The following DES variants were observed in gnomAD, a reference collection of about 807,000 sequenced individuals.
The protein encoded by DES is cardiomyopathy, dilated 1F (autosomal dominant).
In DES, 34 loss-of-function variants were observed where a neutral mutation model predicts 55.1. That is an observed-to-expected ratio of 0.62 (90% CI 0.47 to 0.82). DES has a LOEUF of 0.82. DES is among the 40% of genes least tolerant of loss of function. The pLI is 0.00. For missense variants in DES, 596 were observed against 645.9 expected (o/e 0.92, Z 0.84); for synonymous variants, 259 against 270.8 (o/e 0.96, Z 0.43).
chr2:219,425,829 T>G, intron 8 of DES, 84 bp downstream of exon 8: 1 of 1,601,040 alleles, frequency 6.2e-7, no homozygotes, highest in South Asian at 1.1e-5. Flanking sequence ...GCTGTGCTGG[T>G]CTAGGTCCCT....
chr2:219,420,369 G>A lies in DES; in HGVS notation c.735+23G>A, dbSNP rs369396043. 3 of 1,613,074 alleles carry A rather than the reference G, an allele frequency of 1.9e-6. No homozygotes were observed. The highest frequency in any genetic ancestry group is 2.5e-6 in the Non-Finnish European group (3 of 1,179,658). On this transcript the variant is annotated intron_variant, in intron 3 of 8. Transcript: ENST00000373960. This position sits in a 1 kb window ranked among gnomAD's most constrained non-coding sequence, Gnocchi z 6.0. ...GAGGTATACCTTGGCCCCTCTTCCTGGGGTCACTGGGCCATGGGGAAAGCA... is the reference window on the plus strand; with the variant it reads ...GAGGTATACCTTGGCCCCTCTTCCTAGGGTCACTGGGCCATGGGGAAAGCA...
Position 219,421,351 on chromosome 2 carries a change from G to A in DES, c.1035G>A (p.Leu345=). 2.5e-6 allele frequency: 4 copies of A among 1,614,084 alleles called. No homozygotes were observed. Among genetic ancestry groups the A allele is most frequent in the Non-Finnish European group, 3.4e-6 (4 of 1,179,996 alleles). The change falls in exon 6 of 9, where the codon CTG becomes CTA. Residue 345 remains leucine (L), a synonymous_variant. Transcript: ENST00000373960. Reference sequence around the variant, plus strand: ...CCCCTCTCCTGCAGAACGATTCCCTGATGAGGCAGATGCGGGAATTGGAGG... The same window carrying A: ...CCCCTCTCCTGCAGAACGATTCCCTAATGAGGCAGATGCGGGAATTGGAGG... ...IDALKGTNDS[L]MRQMRELEDR...
chr2:219,422,809 C>T (rs958704658), intron 6 of DES, among the ~76,000 whole-genome samples: 8 of 152,208 alleles, frequency 5.3e-5, no homozygotes, highest in Middle Eastern at 3.4e-3. Flanking sequence ...GTTACACAGA[C>T]GTGGACATTG....
chr2:219,423,791 T>A lies in DES; in HGVS notation c.1259T>A (p.Ile420Asn). The change falls in exon 7 of 9, where the codon ATC becomes AAC. Residue 420 changes from isoleucine (I) to asparagine (N), a missense_variant. Transcript: ENST00000373960. ...TTCCCTTTTAGGATCAATCTCCCCA[T>A]CCAGACCTACTCTGCCCTCAACTTC... ...EGEESRINLP[I>N]QTYSALNFRE... 6.2e-7 allele frequency: 1 copy of A among 1,613,872 alleles called. No homozygotes were observed. Among genetic ancestry groups the A allele is most frequent in the Non-Finnish European group, 8.5e-7 (1 of 1,179,854 alleles).
chr2:219,421,851 GA>G (rs1201460120), intron 6 of DES, among the ~76,000 whole-genome samples: 1 of 152,010 alleles, frequency 6.6e-6, no homozygotes, highest in Non-Finnish European at 1.5e-5. Flanking sequence ...ATTTTTAGTA[GA>G]GACGGGGTTT....
At position 219,420,261 on chromosome 2, in the gene DES, C is replaced by A. The variant is rs771882136; in HGVS notation, c.650C>A (p.Ala217Glu). 6.2e-7 allele frequency: 1 copy of A among 1,614,210 alleles called. No individual in the cohort carries two copies. Among genetic ancestry groups the A allele is most frequent in the Non-Finnish European group, 8.5e-7 (1 of 1,180,046 alleles). Reference protein sequence around the residue: ...NLAAFRADVDAATLARIDLER... With the variant: ...NLAAFRADVDEATLARIDLER... ...CTTGGCCTCTCCCAGGACGTGGATG[C>A]AGCTACTCTAGCTCGCATTGACCTG... is the stretch of plus-strand genomic sequence containing the variant. Residue 217 changes from alanine (A) to glutamate (E), a missense_variant, in exon 3 of 9, where the codon GCA becomes GAA. By Grantham distance (107) the Ala-to-Glu change is moderately radical (BLOSUM62 -1). Transcript: ENST00000373960. This position sits in a 1 kb window ranked among gnomAD's most constrained non-coding sequence, Gnocchi z 6.0.
Position 219,420,905 on chromosome 2 carries a change from A to G in DES, c.975A>G (p.Arg325=), listed in dbSNP as rs1575014604. 2 of 1,613,896 alleles carry G rather than the reference A, an allele frequency of 1.2e-6. No individual in the cohort carries two copies. Among genetic ancestry groups the G allele is most frequent in the Non-Finnish European group, 1.7e-6 (2 of 1,179,980 alleles). Residue 325 remains arginine, a synonymous_variant, in exon 5 of 9, where the codon CGA becomes CGG. Transcript: ENST00000373960. This position sits in a 1 kb window ranked among gnomAD's most constrained non-coding sequence, Gnocchi z 6.0. ...CCAAGCAGGAGATGATGGAATACCG[A>G]CACCAGATCCAGTCCTACACCTGCG... ...RQAKQEMMEY[R]HQIQSYTCEI...
chr2:219,420,742 A>C lies in DES; in HGVS notation c.897+86A>C. ...TGCCTGTGGTACCATCCATGGGAGG[A>C]GAGCCCAGAGGCTTCATGCTCCCTT... On this transcript the variant is annotated intron_variant, in intron 4 of 8. Coordinates refer to ENST00000373960, the MANE Select transcript of DES (RefSeq NM_001927.4). This position sits in a 1 kb window ranked among gnomAD's most constrained non-coding sequence, Gnocchi z 6.0. 1 of 1,613,442 alleles carries C rather than the reference A, an allele frequency of 6.2e-7. No homozygotes were observed. The highest frequency in any genetic ancestry group is 8.5e-7 in the Non-Finnish European group (1 of 1,179,632).
chr2:219,423,020 C>G (rs76207726), intron 6 of DES, among the ~76,000 whole-genome samples: 2,993 of 152,182 alleles, frequency 0.02, 113 homozygotes, highest in African/African-American at 0.068. Flanking sequence ...TTTGTAAAAT[C>G]ACGTCTACAT....
intron 7 of DES, 165 bp downstream of exon 7, chr2:219,423,985 G>T (rs1954492659): frequency 4.1e-6 from 3 of 729,620 alleles, no homozygotes; most frequent in Non-Finnish European, 7.2e-6. Flanking sequence ...GGGGAGTTTA[G>T]GTAGAGGTGG....
At chr2:219,424,712 T>C (rs1023181541) in intron 7 of DES, among the ~76,000 whole-genome samples, 1 of 152,166 alleles carries the variant, frequency 6.6e-6, no homozygotes, top group Non-Finnish European at 1.5e-5. Context: ...TACAAAAAAC[T>C]CCACCCACAT....
rs1954533010 is a variant in DES, at chr2:219,426,142, C to G, written c.*152C>G. 1.1e-6 allele frequency: 1 copy of G among 891,810 alleles called. No homozygotes were observed. The highest frequency in any genetic ancestry group is 1.8e-6 in the Non-Finnish European group (1 of 556,850). 55.2% of individuals were successfully genotyped at this position (891,810 alleles called of 1,614,324 possible). A position where few individuals can be genotyped will look rare whatever the true frequency, so the allele number is the denominator to read the frequency against. On this transcript the variant is annotated 3_prime_UTR_variant, in exon 9 of 9. Transcript: ENST00000373960. The surrounding 1 kb of genome is among the most constrained non-coding windows in gnomAD (Gnocchi z 4.5). ...CCTCACTGGCCATCCCTCGTGGTCC[C>G]CAACAGCGACATAGCCCATCCCTGC...
intron 5 of DES, 59 bp downstream of exon 5, chr2:219,421,012 A>G: frequency 6.3e-7 from 1 of 1,589,186 alleles, no homozygotes; most frequent in Non-Finnish European, 8.5e-7. Flanking sequence ...TCACACCCTC[A>G]CTTTGTGACC....
In DES at chr2:219,420,173, C is replaced by G; in HGVS notation, c.639+18C>G. 1 of 1,614,254 alleles carries G rather than the reference C, an allele frequency of 6.2e-7. No homozygotes were observed. The highest frequency in any genetic ancestry group is 8.5e-7 in the Non-Finnish European group (1 of 1,180,046). On this transcript the variant is annotated intron_variant, in intron 2 of 8. Transcript: ENST00000373960. This position sits in a 1 kb window ranked among gnomAD's most constrained non-coding sequence, Gnocchi z 6.0. ...TCCGAGCGGTGAGTGCCCTTCTTTTCCCCTTGCATGGCCTCTGGCCTTGCT... is the reference window on the plus strand; with the variant it reads ...TCCGAGCGGTGAGTGCCCTTCTTTTGCCCTTGCATGGCCTCTGGCCTTGCT...
chr2:219,422,676 G>A, intron 6 of DES, among the ~76,000 whole-genome samples: 1 of 151,914 alleles, frequency 6.6e-6, no homozygotes, highest in East Asian at 1.9e-4. Flanking sequence ...ATGTTGGTCA[G>A]GCTGGACTCT....
rs1239304442 is a variant in DES, at chr2:219,418,472, G to A, written c.10G>A (p.Ala4Thr). 1.3e-6 allele frequency: 2 copies of A among 1,596,210 alleles called. No homozygotes were observed. The highest frequency in any genetic ancestry group is 1.4e-5 in the African/African-American group (1 of 73,624). The change falls in exon 1 of 9, where the codon GCC (alanine) becomes ACC (threonine). Residue 4 changes from alanine (A) to threonine (T), a missense_variant. Physicochemically the swap from Ala to Thr is moderately conservative, Grantham distance 58 (BLOSUM62 0). Coordinates refer to ENST00000373960, the MANE Select transcript of DES (RefSeq NM_001927.4). The part of the protein sequence containing the change: MSQ[A>T]YSSSQRVSSY... ...CGCCCGCGCCGTCACCATGAGCCAG[G>A]CCTACTCGTCCAGCCAGCGCGTGTC...
Position 219,418,910 on chromosome 2 carries a change from C to A in DES, c.448C>A (p.Arg150=). ...VNRLKGREPT[R]VAELYEEELR... is the part of the protein sequence containing the mutation. ...CCGGCTCAAGGGCCGCGAGCCGACG[C>A]GAGTGGCCGAGCTCTACGAGGAGGA... The change falls in exon 1 of 9, where the codon CGA becomes AGA. Residue 150 remains arginine, a synonymous_variant. Transcript: ENST00000373960. 6.4e-7 allele frequency: 1 copy of A among 1,562,796 alleles called. No individual in the cohort carries two copies. Among genetic ancestry groups the A allele is most frequent in the Non-Finnish European group, 8.7e-7 (1 of 1,153,428 alleles).
In DES at chr2:219,418,671, G is replaced by A. The variant is rs933438188; in HGVS notation, c.209G>A (p.Arg70Gln). ...SGGAGGLGSL[R>Q]ASRLGTTRTP... is the part of the protein sequence containing the mutation. ...GGGGCCGGGGGCCTGGGGTCGCTGC[G>A]GGCCAGCCGGCTGGGGACCACCCGC... is the stretch of plus-strand genomic sequence containing the variant. Residue 70 changes from arginine to glutamine, a missense_variant, in exon 1 of 9, where the codon CGG becomes CAG. By Grantham distance (43) the Arg-to-Gln change is conservative (BLOSUM62 1). Transcript: ENST00000373960. 2 of 1,580,736 alleles carry A rather than the reference G, an allele frequency of 1.3e-6. No homozygotes were observed. Among genetic ancestry groups the A allele is most frequent in the African/African-American group, 1.3e-5 (1 of 74,644 alleles).
In DES at chr2:219,420,422, C is replaced by G. The variant is rs1484035342; in HGVS notation, c.736-73C>G. On this transcript the variant is annotated intron_variant, in intron 3 of 8. Coordinates refer to ENST00000373960, the MANE Select transcript of DES (RefSeq NM_001927.4). The surrounding 1 kb of genome is among the most constrained non-coding windows in gnomAD (Gnocchi z 6.0). ...CGGAAAGTGGGGTTGGGGTGAGGCT[C>G]TGGCTGGGAATAGGGGTGTGAGGGT... 4.3e-6 allele frequency: 7 copies of G among 1,612,608 alleles called. No homozygotes were observed. Among genetic ancestry groups the G allele is most frequent in the Admixed American group, 3.3e-5 (2 of 59,864 alleles).
Sources: gnomAD v4.1 joint callset for allele counts (sites outside exome capture counted in the v4.1 genomes callset) on GRCh38, gnomAD v4.1.1 for gene constraint, Gnocchi (gnomAD v3.1) non-coding constraint, MANE v1.5 for transcripts, NCBI Gene and HGNC (gene_info 2026-07-23, HGNC 2026-07-21) for gene names.